The following LRP1B variants were observed in gnomAD, a reference collection of about 807,000 sequenced individuals.
LRP1B encodes the protein LDL receptor related protein 1B.
LRP1B carries 217 observed loss-of-function variants against 556.6 expected under a neutral mutation model. The observed-to-expected ratio is 0.39, with a 90% CI of 0.35 to 0.44. LRP1B has a LOEUF of 0.44. Among genes scored for constraint, LRP1B ranks in the 20% least tolerant of loss-of-function variants. The pLI, the probability that LRP1B is intolerant of heterozygous loss-of-function variation, is 1.00. For missense variants in LRP1B, 5,053 were observed against 5,620.8 expected, an observed-to-expected ratio of 0.90 and a Z score of 3.23; for synonymous variants, 2,047 against 1,865.8, an observed-to-expected ratio of 1.10 and a Z score of -2.50.
chr2:140,849,731 G>T (rs1287117106), intron 29 of LRP1B, among the ~76,000 whole-genome samples: 1 of 151,908 alleles, frequency 6.6e-6, no homozygotes, highest in Non-Finnish European at 1.5e-5. Flanking sequence ...TAGAGACAGG[G>T]TTTCACCGTG....
intron 2 of LRP1B, among the ~76,000 whole-genome samples, chr2:141,607,579 T>A (rs150087691): frequency 2.0e-5 from 3 of 152,268 alleles, no homozygotes; most frequent in African/African-American, 7.2e-5. Context: ...TGTCAACATA[T>A]TGCCCCAAAG....
In LRP1B at chr2:141,285,161, A is replaced by C. The variant is rs189314610; in HGVS notation, c.344-30520T>G. ...CGCCCAGACTGGAGTGCAGTGGTGC[A>C]ATCTTGGCTCACTGCACCCTCCGCC... is the stretch of plus-strand genomic sequence containing the variant. On this transcript the variant is annotated intron_variant, in intron 3 of 90. Transcript: ENST00000389484. Among the ~76,000 whole-genome samples, 154 of 148,656 alleles carry C rather than the reference A, an allele frequency of 1.0e-3. 1 individual carries two copies. Among genetic ancestry groups the C allele is most frequent in the African/African-American group, 3.2e-3 (130 of 40,192 alleles).
intron 41 of LRP1B, among the ~76,000 whole-genome samples, chr2:140,669,406 A>C (rs1685401980): frequency 6.6e-6 from 1 of 152,100 alleles, no homozygotes; most frequent in Non-Finnish European, 1.5e-5. Flanking sequence ...AGGGAAGACC[A>C]TTTAGGAAGA....
intron 6 of LRP1B, among the ~76,000 whole-genome samples, chr2:141,206,493 G>C: frequency 6.6e-6 from 1 of 151,860 alleles, no homozygotes; most frequent in East Asian, 1.9e-4. Flanking sequence ...GCTGAGGCAG[G>C]GGAGAACGGC....
At chr2:141,869,050 A>C (rs1698498887) in intron 1 of LRP1B, among the ~76,000 whole-genome samples, 2 of 152,146 alleles carry the variant, frequency 1.3e-5, no homozygotes, top group Non-Finnish European at 2.9e-5. Context: ...TAAGAAATTA[A>C]GTTTGCTCGG....
chr2:141,441,054 G>A (rs925767168), intron 3 of LRP1B, among the ~76,000 whole-genome samples: 20 of 151,860 alleles, frequency 1.3e-4, no homozygotes, highest in African/African-American at 4.6e-4. Context: ...GAGAAGCCCT[G>A]ATTTTTTTTT....
At chr2:141,010,525 T>G in intron 14 of LRP1B, among the ~76,000 whole-genome samples, 1 of 150,278 alleles carries the variant, frequency 6.7e-6, no homozygotes, top group East Asian at 2.0e-4. Flanking sequence ...ACAAGTCTCT[T>G]TTTTTTTTAG....
At chr2:141,053,854 A>G (rs1411911737) in intron 10 of LRP1B, among the ~76,000 whole-genome samples, 3 of 120,930 alleles carry the variant, frequency 2.5e-5, no homozygotes, top group African/African-American at 6.1e-5. Flanking sequence ...GTGTGATTAT[A>G]TTTCCCAAGT....
At chr2:140,644,159 A>T (rs1193345669) in intron 41 of LRP1B, among the ~76,000 whole-genome samples, 2 of 152,196 alleles carry the variant, frequency 1.3e-5, no homozygotes, top group Non-Finnish European at 2.9e-5. Flanking sequence ...TTAAAGAGAC[A>T]GCAACAGTCA....
At chr2:142,070,846 A>G (rs1053608361) in intron 1 of LRP1B, among the ~76,000 whole-genome samples, 5 of 151,962 alleles carry the variant, frequency 3.3e-5, no homozygotes, top group African/African-American at 1.2e-4. Context: ...ATTTAAATAT[A>G]TTACATACAT....
intron 1 of LRP1B, among the ~76,000 whole-genome samples, chr2:141,974,354 C>G (rs774196890): frequency 6.6e-6 from 1 of 151,934 alleles, no homozygotes; most frequent in Non-Finnish European, 1.5e-5. Context: ...TCATACTGTC[C>G]TCAACTATGT....
chr2:141,619,624 A>G (rs754552395), intron 2 of LRP1B, among the ~76,000 whole-genome samples: 12 of 152,238 alleles, frequency 7.9e-5, no homozygotes, highest in Non-Finnish European at 1.6e-4. Context: ...AAAATGAGTT[A>G]TTAAGAATCT....
intron 1 of LRP1B, among the ~76,000 whole-genome samples, chr2:142,129,824 C>T (rs1707785604): frequency 6.6e-6 from 1 of 152,106 alleles, no homozygotes; most frequent in Non-Finnish European, 1.5e-5. Context: ...ATTAAACTCG[C>T]ACAGGGATTC....
chr2:140,647,266 T>C (rs527425959), intron 41 of LRP1B, among the ~76,000 whole-genome samples: 9 of 152,222 alleles, frequency 5.9e-5, no homozygotes, highest in Non-Finnish European at 1.2e-4. Flanking sequence ...CACCCACATA[T>C]ATACACAGGA....
At chr2:141,905,805 G>GTGTGTGTGTGT (rs1699741624) in intron 1 of LRP1B, among the ~76,000 whole-genome samples, 1 of 142,008 alleles carries the variant, frequency 7.0e-6, no homozygotes, top group Non-Finnish European at 1.5e-5. Flanking sequence ...GTGTGTGTGT[G>GTGTGTGTGTGT]GCTAGGTGTG....
At chr2:141,467,843 G>GAT (rs761721055) in intron 3 of LRP1B, among the ~76,000 whole-genome samples, 1 of 133,196 alleles carries the variant, frequency 7.5e-6, no homozygotes, top group Non-Finnish European at 1.6e-5. Context: ...GCGGACCGGG[G>GAT]GGGGGGGAAT....
chr2:141,612,742 C>A (rs1312942997), intron 2 of LRP1B, among the ~76,000 whole-genome samples: 1 of 152,126 alleles, frequency 6.6e-6, no homozygotes, highest in African/African-American at 2.4e-5. Context: ...TTCCCTTTCG[C>A]CTTCGCATCA....
chr2:141,796,124 A>G (rs540619136), intron 2 of LRP1B, among the ~76,000 whole-genome samples: 1 of 151,882 alleles, frequency 6.6e-6, no homozygotes, highest in African/African-American at 2.4e-5. Context: ...GAGGAATAAC[A>G]AATTCTCTCA....
chr2:140,305,385 T>C (rs540436934), intron 83 of LRP1B, among the ~76,000 whole-genome samples: 88 of 152,324 alleles, frequency 5.8e-4, no homozygotes, highest in Middle Eastern at 3.4e-3. Context: ...CCTTGTAAGT[T>C]GGATTCCTAG....
Sources: gnomAD v4.1 joint callset for allele counts (sites outside exome capture counted in the v4.1 genomes callset) on GRCh38, gnomAD v4.1.1 for gene constraint, MANE v1.5 for transcripts, NCBI Gene and HGNC (gene_info 2026-07-23, HGNC 2026-07-21) for gene names.